PPT1: variants seen among roughly 807,000 people sequenced by gnomAD.
The protein encoded by PPT1 is ceroid-palmitoyl-palmitoyl-protein thioesterase 1.
PPT1 carries 24 observed loss-of-function variants against 44.0 expected under a neutral mutation model. That is an observed-to-expected ratio of 0.54 (90% confidence interval 0.39 to 0.77). The LOEUF (loss-of-function observed/expected upper bound fraction) is 0.77, where lower values mean the gene tolerates loss of function less well. Among genes scored for constraint, PPT1 ranks in the 30% least tolerant of loss-of-function variants. PPT1 has a pLI of 0.00. For missense variants in PPT1, 341 were observed against 378.8 expected (o/e 0.90, Z 0.83); for synonymous variants, 148 against 140.2 (o/e 1.06, Z -0.39).
intron 1 of PPT1, among the ~76,000 whole-genome samples, chr1:40,092,876 C>A (rs1649645388): frequency 6.6e-6 from 1 of 152,056 alleles, no homozygotes; most frequent in African/African-American, 2.4e-5. Flanking sequence ...TAGAAAATAA[C>A]AAGTATTGTC....
At chr1:40,088,929 T>A (rs1649403903) in intron 5 of PPT1, among the ~76,000 whole-genome samples, 1 of 152,204 alleles carries the variant, frequency 6.6e-6, no homozygotes. Flanking sequence ...CTTTGTTTTT[T>A]AGTTAATAGA....
intron 8 of PPT1, among the ~76,000 whole-genome samples, chr1:40,075,763 A>C (rs1648584813): frequency 6.6e-6 from 1 of 151,818 alleles, no homozygotes; most frequent in African/African-American, 2.4e-5. Flanking sequence ...CAGGAGTTGA[A>C]GACCAGCCTG....
chr1:40,097,094 T>C, intron 1 of PPT1, 21 bp downstream of exon 1: 8 of 1,613,932 alleles, frequency 5.0e-6, no homozygotes, highest in Non-Finnish European at 6.8e-6. Context: ...CCAAACCCTT[T>C]TAAATTTCTC....
In PPT1 at chr1:40,084,547, TAAGA is replaced by T. The variant is rs538603292; in HGVS notation, c.537-4064_537-4061del. Among the ~76,000 whole-genome samples, 7 of 152,312 alleles carry T rather than the reference TAAGA, an allele frequency of 4.6e-5. No homozygotes were observed. In the East Asian group the frequency reaches 1.4e-3, roughly 29 times the overall value. ...TACAAAGTTCATCATTGTCTCACTT[TAAGA>T]AATTAGCACAGCCACCCCAATGTGG... On this transcript the variant is annotated intron_variant, in intron 5 of 8. Coordinates refer to ENST00000642050, the MANE Select transcript of PPT1 (RefSeq NM_000310.4).
At chr1:40,091,530 T>C (rs1029609654) in intron 3 of PPT1, 131 bp from the exon 4 acceptor site, 3 of 812,554 alleles carry the variant, frequency 3.7e-6, no homozygotes, top group African/African-American at 1.7e-5. Context: ...TTTCCTGATA[T>C]GGGCAAATGC....
chr1:40,076,853 G>C lies in PPT1; in HGVS notation c.787C>G (p.Leu263Val). Reference sequence around the variant, plus strand: ...TCCCTGCCAGTTACCTGTGTGTACAGGGAGGTCTCCTGTAAGGGAATGGTT... The same window carrying C: ...TCCCTGCCAGTTACCTGTGTGTACACGGAGGTCTCCTGTAAGGGAATGGTT... The part of the protein sequence containing the change: ...KETIPLQETS[L>V]YTQDRLGLKE... Residue 263 changes from leucine to valine, a missense_variant, in exon 8 of 9, where the codon CTG becomes GTG. Physicochemically the swap from Leu to Val is conservative, Grantham distance 32. Coordinates refer to ENST00000642050, the MANE Select transcript of PPT1 (RefSeq NM_000310.4). 6.2e-7 allele frequency: 1 copy of C among 1,614,166 alleles called. No individual in the cohort carries two copies.
chr1:40,080,314 TAAAC>T (rs1648855761), intron 6 of PPT1, 79 bp downstream of exon 6: 13 of 1,393,574 alleles, frequency 9.3e-6, no homozygotes, highest in Non-Finnish European at 1.3e-5. Context: ...ACAGTTTGGG[TAAAC>T]AGTCACTGCT....
At chr1:40,076,524 C>G (rs1346474600) in intron 8 of PPT1, 1 of 853,912 alleles carries the variant, frequency 1.2e-6, no homozygotes, top group Non-Finnish European at 1.4e-6. Flanking sequence ...TTGTAGCAGA[C>G]TGTACCTCAG....
At chr1:40,089,723 T>C (rs1387109472) in intron 4 of PPT1, 12 of 641,592 alleles carry the variant, frequency 1.9e-5, no homozygotes, top group Non-Finnish European at 3.4e-5. Flanking sequence ...TCTTTTTACC[T>C]GCTCATCCCT....
chr1:40,079,313 G>A (rs1380114366), intron 6 of PPT1, among the ~76,000 whole-genome samples: 1 of 151,506 alleles, frequency 6.6e-6, no homozygotes, highest in Non-Finnish European at 1.5e-5. Flanking sequence ...ACGAGTGCAA[G>A]TGTCTTTTTG....
intron 7 of PPT1, among the ~76,000 whole-genome samples, chr1:40,077,696 C>A (rs1455548395): frequency 6.6e-6 from 1 of 152,122 alleles, no homozygotes; most frequent in Non-Finnish European, 1.5e-5. Context: ...AAAAAGCGAT[C>A]ACATTCTGCT....
In PPT1 at chr1:40,097,168, A is replaced by C. The variant is rs746667989; in HGVS notation, c.71T>G (p.Leu24Arg). ...CGGCGCCGGCGGGTCCAGATGCTGCAGCGCCCGAGAAGCGCAGGTCCATGG... is the reference window on the plus strand; with the variant it reads ...CGGCGCCGGCGGGTCCAGATGCTGCCGCGCCCGAGAAGCGCAGGTCCATGG... ...LLPWTCASRA[L>R]QHLDPPAPLP... Residue 24 changes from leucine (L) to arginine (R), a missense_variant, in exon 1 of 9, where the codon CTG becomes CGG. By Grantham distance (102) the Leu-to-Arg change is moderately radical. Transcript: ENST00000642050. The C allele has an allele frequency of 6.2e-7, 1 of 1,614,042 alleles. No individual in the cohort carries two copies. Among genetic ancestry groups the C allele is most frequent in the Admixed American group, 1.7e-5 (1 of 60,012 alleles).
chr1:40,093,928 C>T (rs537287457), intron 1 of PPT1: 1 of 705,624 alleles, frequency 1.4e-6, no homozygotes, highest in Non-Finnish European at 2.6e-6. Context: ...AGCATGGGCT[C>T]ATACCTATCA....
chr1:40,096,081 T>C (rs992881797), intron 1 of PPT1, among the ~76,000 whole-genome samples: 2 of 152,236 alleles, frequency 1.3e-5, no homozygotes. Flanking sequence ...TCCCATTTAC[T>C]GTTCCTTCTA....
At chr1:40,084,020 T>G (rs1344081296) in intron 5 of PPT1, among the ~76,000 whole-genome samples, 1 of 152,114 alleles carries the variant, frequency 6.6e-6, no homozygotes, top group East Asian at 1.9e-4. Context: ...ACCACTGCAC[T>G]CCAACTTGGG....
chr1:40,076,477 A>G (rs923186434), intron 8 of PPT1: 2 of 499,010 alleles, frequency 4.0e-6, no homozygotes, highest in Non-Finnish European at 5.2e-6. Flanking sequence ...AGAAAAAAAA[A>G]GGAATGCCCC....
At position 40,072,773 on chromosome 1, in the gene PPT1, C is replaced by G. The variant is rs973716244; in HGVS notation, c.*1288G>C. The G allele has an allele frequency of 2.7e-5, 4 of 150,060 alleles. No homozygotes were observed. The highest frequency in any genetic ancestry group is 1.0e-4 in the African/African-American group (4 of 39,348). The allele number at this position is 150,060 out of a possible 1,614,324, so 9.3% of individuals were successfully genotyped here. On this transcript the variant is annotated 3_prime_UTR_variant, in exon 9 of 9. Transcript: ENST00000642050. ...ATTATTTTCACATCCCCCCCAACTT[C>G]TTGCTCTTAATCCTCATCTTTTAGT... is the stretch of plus-strand genomic sequence containing the variant.
chr1:40,084,184 C>T (rs890032994), intron 5 of PPT1, among the ~76,000 whole-genome samples: 1 of 152,166 alleles, frequency 6.6e-6, no homozygotes, highest in Non-Finnish European at 1.5e-5. Context: ...AAGGAAGTAA[C>T]TGCAGATGTG....
chr1:40,082,385 CT>C (rs1648991798), intron 5 of PPT1: 2 of 150,676 alleles, frequency 1.3e-5, no homozygotes. Flanking sequence ...TATTTGAAAC[CT>C]TTTAAAGGTT....
Sources: allele counts gnomAD v4.1 joint callset (sites outside exome capture counted in the v4.1 genomes callset), GRCh38; gene constraint gnomAD v4.1.1; transcripts MANE v1.5; gene names NCBI Gene and HGNC (gene_info 2026-07-23, HGNC 2026-07-21).